The following HECW1 variants were observed in gnomAD, a reference collection of about 807,000 sequenced individuals.
HECW1 encodes the protein HECT, C2 and WW domain containing E3 ubiquitin protein ligase 1, also known as E3 ubiquitin-protein ligase HECW1.
A neutral mutation model predicts 182.3 loss-of-function variants in HECW1; 61 were observed. The observed-to-expected ratio is 0.33, with a 90% CI of 0.27 to 0.41. HECW1 has a LOEUF of 0.41. Ranked by LOEUF, HECW1 falls within the 10% of genes least tolerant of loss-of-function variation. The pLI is 1.00. For missense variants in HECW1, 1,739 were observed against 2,108.9 expected (o/e 0.82, Z 3.44); for synonymous variants, 859 against 832.6 (o/e 1.03, Z -0.55).
intron 6 of HECW1, among the ~76,000 whole-genome samples, chr7:43,394,360 G>T (rs1034262573): frequency 6.6e-6 from 1 of 152,208 alleles, no homozygotes; most frequent in Non-Finnish European, 1.5e-5. Flanking sequence ...CTGATGTGAA[G>T]AAGGCTAATT....
chr7:43,242,228 T>C (rs1168769276), intron 2 of HECW1, among the ~76,000 whole-genome samples: 1 of 152,190 alleles, frequency 6.6e-6, no homozygotes. Flanking sequence ...TTCTGTCCAT[T>C]ATGGAGACTG....
chr7:43,450,910 C>G lies in HECW1; in HGVS notation c.2481C>G (p.Ile827Met), dbSNP rs777259847. Reference sequence around the variant, plus strand: ...CTGAACATCATCACTACCCAACAATCGATGAGCCTCTTCCACCAAGTAAGC... The same window carrying G: ...CTGAACATCATCACTACCCAACAATGGATGAGCCTCTTCCACCAAGTAAGC... ...LRPEHHHYPT[I>M]DEPLPPNWEA... The change falls in exon 12 of 30, where the codon ATC becomes ATG. Residue 827 changes from isoleucine to methionine, a missense_variant. Coordinates refer to ENST00000395891, the MANE Select transcript of HECW1 (RefSeq NM_015052.5). The G allele has an allele frequency of 5.6e-6, 9 of 1,610,268 alleles. No individual in the cohort carries two copies. The highest frequency in any genetic ancestry group is 7.6e-6 in the Non-Finnish European group (9 of 1,176,604).
intron 5 of HECW1, among the ~76,000 whole-genome samples, chr7:43,329,492 G>GTCTTT (rs1811200033): frequency 1.3e-5 from 2 of 152,044 alleles, no homozygotes; most frequent in Admixed American, 6.6e-5. Flanking sequence ...AATGGAAGGG[G>GTCTTT]CTGATTCAGA....
intron 8 of HECW1, among the ~76,000 whole-genome samples, chr7:43,427,632 A>G (rs950241627): frequency 2.0e-5 from 3 of 152,156 alleles, no homozygotes; most frequent in African/African-American, 7.2e-5. Flanking sequence ...TTATCTCACA[A>G]TTCTGTAGGT....
At chr7:43,524,871 TC>T (rs1186165255) in intron 24 of HECW1, among the ~76,000 whole-genome samples, 1 of 152,234 alleles carries the variant, frequency 6.6e-6, no homozygotes, top group African/African-American at 2.4e-5. Flanking sequence ...AGCTCCTGTG[TC>T]CTGTAGAGGG....
chr7:43,235,818 C>G (rs1026769820), intron 2 of HECW1, among the ~76,000 whole-genome samples: 1 of 152,032 alleles, frequency 6.6e-6, no homozygotes, highest in South Asian at 2.1e-4. Context: ...CAGCACACTC[C>G]CCTGGGCCCA....
chr7:43,277,660 T>C (rs1177998490), intron 3 of HECW1, among the ~76,000 whole-genome samples: 1 of 152,148 alleles, frequency 6.6e-6, no homozygotes, highest in Non-Finnish European at 1.5e-5. Context: ...GATCTTGTCA[T>C]CTCCCACTTC....
intron 14 of HECW1, among the ~76,000 whole-genome samples, chr7:43,465,885 C>T (rs746317545): frequency 1.3e-5 from 2 of 148,186 alleles, no homozygotes; most frequent in Admixed American, 6.7e-5. Context: ...CAGAGCGAGA[C>T]GCTGTCTCAA....
intron 6 of HECW1, among the ~76,000 whole-genome samples, chr7:43,363,979 A>G (rs1194690375): frequency 6.6e-6 from 1 of 152,216 alleles, no homozygotes; most frequent in Non-Finnish European, 1.5e-5. Flanking sequence ...CACAGTTTCT[A>G]AGGGGAAATG....
intron 21 of HECW1, among the ~76,000 whole-genome samples, chr7:43,504,892 G>A (rs182476980): frequency 7.7e-4 from 117 of 152,252 alleles, no homozygotes; most frequent in Non-Finnish European, 5.4e-4. Context: ...TGGAGGTCAC[G>A]AAAGGAGGTG....
intron 6 of HECW1, among the ~76,000 whole-genome samples, chr7:43,373,456 C>T (rs2074199268): frequency 6.6e-6 from 1 of 152,056 alleles, no homozygotes; most frequent in Admixed American, 6.5e-5. Context: ...CCATGCCCGG[C>T]TCCTTTCTTT....
chr7:43,278,468 C>T (rs1352609371), intron 3 of HECW1, among the ~76,000 whole-genome samples: 1 of 152,174 alleles, frequency 6.6e-6, no homozygotes, highest in Non-Finnish European at 1.5e-5. Context: ...CCTGTTCCCA[C>T]CCATGCGGCC....
chr7:43,446,226 G>T (rs918642833), intron 11 of HECW1, among the ~76,000 whole-genome samples: 3 of 152,094 alleles, frequency 2.0e-5, no homozygotes, highest in Non-Finnish European at 4.4e-5. Flanking sequence ...GTGTATAAAT[G>T]ACTTTGTTTC....
chr7:43,256,803 C>G (rs1348887715), intron 3 of HECW1, among the ~76,000 whole-genome samples: 3 of 152,010 alleles, frequency 2.0e-5, no homozygotes, highest in East Asian at 3.9e-4. Context: ...CTTCATCCCC[C>G]TTCTCTGCAT....
intron 17 of HECW1, among the ~76,000 whole-genome samples, chr7:43,482,052 C>T (rs1190041054): frequency 1.3e-5 from 2 of 151,740 alleles, no homozygotes; most frequent in Non-Finnish European, 2.9e-5. Flanking sequence ...TACCAGCCAT[C>T]TGTCTGCTTC....
intron 2 of HECW1, among the ~76,000 whole-genome samples, chr7:43,141,774 A>G (rs557834392): frequency 4.6e-4 from 70 of 152,326 alleles, no homozygotes; most frequent in African/African-American, 1.6e-3. Flanking sequence ...CTGAGATTAC[A>G]GGTGTGAACC....
intron 2 of HECW1, among the ~76,000 whole-genome samples, chr7:43,198,303 T>A (rs1794673927): frequency 7.4e-6 from 1 of 135,804 alleles, no homozygotes; most frequent in Non-Finnish European, 1.6e-5. Flanking sequence ...ATTCGCACAC[T>A]CACCCTACAC....
At chr7:43,133,368 T>C (rs1787167896) in intron 2 of HECW1, among the ~76,000 whole-genome samples, 1 of 152,100 alleles carries the variant, frequency 6.6e-6, no homozygotes, top group Admixed American at 6.5e-5. Flanking sequence ...TATCATGTGA[T>C]TATTATTCCC....
chr7:43,415,512 G>C (rs1481152232), intron 8 of HECW1, among the ~76,000 whole-genome samples: 1 of 152,082 alleles, frequency 6.6e-6, no homozygotes. Context: ...ATGTCTTAGA[G>C]TTGCTCTTCT....
Sources: gnomAD v4.1 joint callset for allele counts (sites outside exome capture counted in the v4.1 genomes callset) on GRCh38, gnomAD v4.1.1 for gene constraint, MANE v1.5 for transcripts, NCBI Gene and HGNC (gene_info 2026-07-23, HGNC 2026-07-21) for gene names.